HPX: variants seen among roughly 807,000 people sequenced by gnomAD.
The protein encoded by HPX is hemopexin, also known as beta-1B-glycoprotein.
Under a neutral mutation model 53.8 loss-of-function variants are expected in HPX, and 42 were observed. That is an observed-to-expected ratio of 0.78 (90% CI 0.61 to 1.01). HPX has a LOEUF of 1.01. HPX is among the 50% of genes least tolerant of loss of function. The pLI is 0.00. For missense variants in HPX, 547 were observed against 594.3 expected, an observed-to-expected ratio of 0.92 and a Z score of 0.83; for synonymous variants, 229 against 221.1, an observed-to-expected ratio of 1.04 and a Z score of -0.32.
rs373219197 is a variant in HPX at position 6,431,180 on chromosome 11, G to A, written c.*31C>T. Reference sequence around the variant, plus strand: ...CTTTATTATGAGGAACTAGGAGGTGGGGCCAGGCCAGACTCATGTCAGAAG... The same window carrying A: ...CTTTATTATGAGGAACTAGGAGGTGAGGCCAGGCCAGACTCATGTCAGAAG... On this transcript the variant is annotated 3_prime_UTR_variant, in exon 10 of 10. Transcript: ENST00000265983. 2.5e-6 allele frequency: 4 copies of A among 1,611,804 alleles called. No homozygotes were observed. Among genetic ancestry groups the A allele is most frequent in the East Asian group, 2.2e-5 (1 of 44,840 alleles).
Position 6,431,683 on chromosome 11 carries a change from C to G in HPX, c.1087G>C (p.Ala363Pro). 3 of 1,614,146 alleles carry G rather than the reference C, an allele frequency of 1.9e-6. No individual in the cohort carries two copies. The highest frequency in any genetic ancestry group is 2.5e-6 in the Non-Finnish European group (3 of 1,180,032). ...HGIILDSVDA[A>P]FICPGSSRLH... is the part of the protein sequence containing the mutation. Reference sequence around the variant, plus strand: ...CGAGAAGACCCAGGGCAGATAAAGGCCGCATCCACAGAGTCCAGGATAATC... The same window carrying G: ...CGAGAAGACCCAGGGCAGATAAAGGGCGCATCCACAGAGTCCAGGATAATC... The change falls in exon 9 of 10, where the codon GCC becomes CCC. Residue 363 changes from alanine (A) to proline (P), a missense_variant. Transcript: ENST00000265983.
chr11:6,438,233 T>C (rs1337216675), intron 5 of HPX, 123 bp downstream of exon 5: 1 of 1,009,488 alleles, frequency 9.9e-7, no homozygotes, highest in Non-Finnish European at 1.5e-6. Context: ...CTTCTCTATT[T>C]CCCTTCCTTA....
Position 6,431,103 on chromosome 11 carries a change from G to C in HPX, c.*108C>G, listed in dbSNP as rs1849340605. On this transcript the variant is annotated 3_prime_UTR_variant, in exon 10 of 10. Transcript: ENST00000265983. ...ATGAGAAACTGGGGAGGTGGGGCCA[G>C]GCCAGACTCATGTCAGAAGGCCCCT... The C allele has an allele frequency of 2.7e-6, 4 of 1,471,670 alleles. No homozygotes were observed. The highest frequency in any genetic ancestry group is 1.4e-5 in the African/African-American group (1 of 71,882). The allele number at this position is 1,471,670 out of a possible 1,614,324, so 91.2% of individuals were successfully genotyped here. A position where few individuals can be genotyped will look rare whatever the true frequency, so the allele number is the denominator to read the frequency against.
intron 7 of HPX, among the ~76,000 whole-genome samples, chr11:6,436,584 G>A (rs1040665279): frequency 6.6e-6 from 1 of 152,184 alleles, no homozygotes; most frequent in African/African-American, 2.4e-5. Context: ...GCAGTGCTAT[G>A]CCCAGGGGTC....
chr11:6,440,108 T>G (rs1166873640), intron 4 of HPX, 57 bp downstream of exon 4: 9 of 1,610,952 alleles, frequency 5.6e-6, no homozygotes, highest in Non-Finnish European at 7.6e-6. Flanking sequence ...GGGGGAAGGG[T>G]CCCCAGTGTC....
chr11:6,431,150 T>A lies in HPX; in HGVS notation c.*61A>T. On this transcript the variant is annotated 3_prime_UTR_variant, in exon 10 of 10. Coordinates refer to ENST00000265983, the MANE Select transcript of HPX (RefSeq NM_000613.3). Reference sequence around the variant, plus strand: ...CCCTCAGTGAGAAGCGAAGAAGCAATCTGTCTTTATTATGAGGAACTAGGA... The same window carrying A: ...CCCTCAGTGAGAAGCGAAGAAGCAAACTGTCTTTATTATGAGGAACTAGGA... 6.3e-7 allele frequency: 1 copy of A among 1,593,710 alleles called. No individual in the cohort carries two copies. The highest frequency in any genetic ancestry group is 1.1e-5 in the South Asian group (1 of 89,886).
chr11:6,435,605 C>T (rs1479073122), intron 7 of HPX, among the ~76,000 whole-genome samples: 2 of 152,070 alleles, frequency 1.3e-5, no homozygotes, highest in Non-Finnish European at 2.9e-5. Flanking sequence ...CACTACCACA[C>T]CCGACTAATT....
intron 7 of HPX, among the ~76,000 whole-genome samples, chr11:6,434,805 G>GA (rs1174442997): frequency 6.6e-6 from 1 of 152,110 alleles, no homozygotes; most frequent in Admixed American, 6.5e-5. Context: ...ATCTTACTAG[G>GA]AAAAAAGAGC....
At chr11:6,432,214 A>T (rs77169749) in intron 7 of HPX, 197 bp from the exon 8 acceptor site, 7,475 of 615,712 alleles carry the variant, frequency 0.012, 57 homozygotes, top group Non-Finnish European at 0.016. Flanking sequence ...TGAAACTGGA[A>T]TCAGCAGGTG....
chr11:6,439,534 T>TGTA, intron 4 of HPX: 1 of 155,302 alleles, frequency 6.4e-6, no homozygotes, highest in South Asian at 2.0e-4. Context: ...AGAGCCAAGG[T>TGTA]GATGGTTGAG....
In HPX at chr11:6,438,460, G is replaced by C. The variant is rs1317029217; in HGVS notation, c.386C>G (p.Pro129Arg). 1 of 1,613,810 alleles carries C rather than the reference G, an allele frequency of 6.2e-7. No individual in the cohort carries two copies. The highest frequency in any genetic ancestry group is 8.5e-7 in the Non-Finnish European group (1 of 1,179,850). ...YPPEKKEKGY[P>R]KLLQDEFPGI... ...AGGAAATTCATCTTGGAGCAACTTTGGGTATCCTTTCTCCTTCTTTTCAGG... is the reference window on the plus strand; with the variant it reads ...AGGAAATTCATCTTGGAGCAACTTTCGGTATCCTTTCTCCTTCTTTTCAGG... Residue 129 changes from proline (P) to arginine (R), a missense_variant, in exon 5 of 10, where the codon CCA becomes CGA. By Grantham distance (103) the Pro-to-Arg change is moderately radical. Transcript: ENST00000265983.
chr11:6,437,241 T>C lies in HPX; in HGVS notation c.704-64A>G. On this transcript the variant is annotated intron_variant, in intron 6 of 9. Transcript: ENST00000265983. Reference sequence around the variant, plus strand: ...CCAGAGGTCAGAGTGAGGTCCAAGGTGGAAGAGATGGCTGGGGTTAGTGGG... The same window carrying C: ...CCAGAGGTCAGAGTGAGGTCCAAGGCGGAAGAGATGGCTGGGGTTAGTGGG... 2.6e-6 allele frequency: 4 copies of C among 1,552,406 alleles called. No individual in the cohort carries two copies. The South Asian group carries it at 4.7e-5, about 18-fold the overall frequency.
At position 6,437,603 on chromosome 11, in the gene HPX, ACG is replaced by A. The variant is rs1443350355; in HGVS notation, c.538_539del (p.Arg180PhefsTer24). The A allele has an allele frequency of 6.2e-7, 1 of 1,614,046 alleles. No individual in the cohort carries two copies. Among genetic ancestry groups the A allele is most frequent in the African/African-American group, 1.3e-5 (1 of 74,910 alleles). ...WDLATGTMKERSWPAVGNCSS... is the reference protein window; with the variant it reads ...WDLATGTMKEXSWPAVGNCSS... ...AGCAGTTCCCAACAGCTGGCCAGGA[ACG>A]CTCCTTCATGGTTCCCGTAGCCAAG... is the stretch of plus-strand genomic sequence containing the variant. On this transcript the variant is annotated frameshift_variant, in exon 6 of 10. Transcript: ENST00000265983. LOFTEE classifies it high-confidence loss of function.
Position 6,435,549 on chromosome 11 carries a change from C to T in HPX, c.835+1497G>A, listed in dbSNP as rs569725233. Among the ~76,000 whole-genome samples the T allele has an allele frequency of 3.3e-5, 5 of 152,182 alleles. No individual in the cohort carries two copies. In the South Asian group the frequency reaches 6.2e-4, roughly 19 times the overall value. On this transcript the variant is annotated intron_variant, in intron 7 of 9. Coordinates refer to ENST00000265983, the MANE Select transcript of HPX (RefSeq NM_000613.3). ...GCACGATCACGGCTCACTGAAGCCT[C>T]GACCTTCCGGGCTCAGCCTCTGAAG...
intron 7 of HPX, 45 bp from the exon 8 acceptor site, chr11:6,432,062 A>G: frequency 6.2e-7 from 1 of 1,610,596 alleles, no homozygotes. Flanking sequence ...GCAGAAGCCC[A>G]GGCAGAGAAG....
intron 1 of HPX, 28 bp from the exon 2 acceptor site, chr11:6,440,758 T>C (rs1437745276): frequency 6.2e-7 from 1 of 1,610,084 alleles, no homozygotes; most frequent in East Asian, 2.2e-5. Flanking sequence ...GATATCTTGA[T>C]CCATTGGGAC....
intron 7 of HPX, among the ~76,000 whole-genome samples, chr11:6,434,695 C>A (rs2134133709): frequency 6.6e-6 from 1 of 152,326 alleles, no homozygotes; most frequent in East Asian, 1.9e-4. Flanking sequence ...GATGAGTTCC[C>A]AACCCATTAA....
In HPX at chr11:6,440,985, G is replaced by T. The variant is rs572059454; in HGVS notation, c.-22C>A. The T allele has an allele frequency of 1.0e-5, 16 of 1,570,966 alleles. No individual in the cohort carries two copies. In the East Asian group the frequency reaches 3.5e-4, roughly 34 times the overall value. On this transcript the variant is annotated 5_prime_UTR_variant, in exon 1 of 10. Coordinates refer to ENST00000265983, the MANE Select transcript of HPX (RefSeq NM_000613.3). ...CCATGCTGAGCTGCAGAGGCCACAGGACAGCTCTGGGTGACCAGTTGAACT... is the reference window on the plus strand; with the variant it reads ...CCATGCTGAGCTGCAGAGGCCACAGTACAGCTCTGGGTGACCAGTTGAACT...
chr11:6,435,456 GTTTT>G (rs1849404238), intron 7 of HPX, among the ~76,000 whole-genome samples: 1 of 151,406 alleles, frequency 6.6e-6, no homozygotes, highest in Admixed American at 6.6e-5. Flanking sequence ...TGTTTGTTTT[GTTTT>G]GTTTTTTGTT....
Sources: allele counts gnomAD v4.1 joint callset (sites outside exome capture counted in the v4.1 genomes callset), GRCh38; gene constraint gnomAD v4.1.1; transcripts MANE v1.5; gene names NCBI Gene and HGNC (gene_info 2026-07-23, HGNC 2026-07-21).